The following CTNNA2 variants were observed in gnomAD, a reference collection of about 807,000 sequenced individuals.
CTNNA2 encodes catenin alpha-2.
A neutral mutation model predicts 101.0 loss-of-function variants in CTNNA2; 42 were observed. The ratio of observed to expected loss-of-function variants is 0.42; its 90% CI spans 0.32 to 0.54. CTNNA2 has a LOEUF of 0.54. Ranked by LOEUF, CTNNA2 falls within the 20% of genes least tolerant of loss-of-function variation. CTNNA2 has a pLI of 0.14. For missense variants in CTNNA2, 871 were observed against 1,223.1 expected, an observed-to-expected ratio of 0.71 and a Z score of 4.29; for synonymous variants, 450 against 456.4, an observed-to-expected ratio of 0.99 and a Z score of 0.18.
At chr2:79,669,070 G>A (rs936355779) in intron 2 of CTNNA2, among the ~76,000 whole-genome samples, 5 of 152,122 alleles carry the variant, frequency 3.3e-5, no homozygotes, top group African/African-American at 1.2e-4. Flanking sequence ...AAGATCTACT[G>A]ACAAATACTG....
intron 4 of CTNNA2, among the ~76,000 whole-genome samples, chr2:79,410,101 TTGTC>T (rs1157168057): frequency 6.7e-6 from 1 of 148,690 alleles, no homozygotes; most frequent in Non-Finnish European, 1.5e-5. Context: ...GGCCCTCTGT[TTGTC>T]TGTTATTGGT....
chr2:80,232,341 GT>G lies in CTNNA2; in HGVS notation c.1057-160867del, dbSNP rs1286822049. 2.5e-3 allele frequency among the ~76,000 whole-genome samples: 205 copies of G among 82,020 alleles called. 1 individual carries two copies. The highest frequency in any genetic ancestry group is 6.4e-3 in the African/African-American group (195 of 30,358). The allele number at this position is 82,020 out of a possible 152,430, so 53.8% of individuals were successfully genotyped here. ...TTGGGTTTTGTTTGTTTGTTTGTTT[GT>G]TTGTTTTTTTTTTTTTTTTTTTTTT... On this transcript the variant is annotated intron_variant, in intron 7 of 18. Coordinates refer to ENST00000402739, the MANE Select transcript of CTNNA2 (RefSeq NM_001282597.3).
intron 2 of CTNNA2, among the ~76,000 whole-genome samples, chr2:79,668,975 C>G (rs1319806000): frequency 6.6e-6 from 1 of 152,186 alleles, no homozygotes. Context: ...GCAAGTCTCA[C>G]CTTCAACCAC....
At chr2:80,472,214 G>T (rs189320298) in intron 9 of CTNNA2, among the ~76,000 whole-genome samples, 1 of 152,290 alleles carries the variant, frequency 6.6e-6, no homozygotes, top group Admixed American at 6.5e-5. Flanking sequence ...GAAGGCAAGA[G>T]AGTTACTATG....
At chr2:79,468,887 G>C (rs1182446363) in intron 4 of CTNNA2, among the ~76,000 whole-genome samples, 1 of 152,174 alleles carries the variant, frequency 6.6e-6, no homozygotes, top group East Asian at 1.9e-4. Flanking sequence ...GCAGTGTGTA[G>C]AGGGAAATTT....
chr2:80,542,625 G>A (rs1349579728), intron 9 of CTNNA2, among the ~76,000 whole-genome samples: 3 of 151,714 alleles, frequency 2.0e-5, no homozygotes, highest in Non-Finnish European at 4.4e-5. Flanking sequence ...GATTCTTGGG[G>A]CATTTTTAAG....
Position 80,648,267 on chromosome 2 carries a change from T to C in CTNNA2, c.*395T>C, listed in dbSNP as rs949892249. The C allele has an allele frequency of 6.4e-6, 1 of 157,110 alleles. No homozygotes were observed. The highest frequency in any genetic ancestry group is 2.4e-5 in the African/African-American group (1 of 41,516). The allele number at this position is 157,110 out of a possible 1,614,324, so 9.7% of individuals were successfully genotyped here. On this transcript the variant is annotated 3_prime_UTR_variant, in exon 19 of 19. Transcript: ENST00000402739. ...ATAAGTGAAAAATCTGGAAGTGTAA[T>C]GGTAGAACATAAAACTTGTATTGCT... is the stretch of plus-strand genomic sequence containing the variant.
At chr2:79,764,703 A>G (rs566783077) in intron 3 of CTNNA2, among the ~76,000 whole-genome samples, 75 of 152,324 alleles carry the variant, frequency 4.9e-4, no homozygotes, top group African/African-American at 1.7e-3. Context: ...AAGGAAAAAT[A>G]AGTGAGTGGC....
intron 2 of CTNNA2, among the ~76,000 whole-genome samples, chr2:79,268,940 G>A (rs554888754): frequency 6.6e-6 from 1 of 152,156 alleles, no homozygotes; most frequent in South Asian, 2.1e-4. Flanking sequence ...GGAAATAAGT[G>A]TTTGACACAA....
chr2:79,320,604 C>A (rs1473357), intron 3 of CTNNA2, among the ~76,000 whole-genome samples: 2 of 152,060 alleles, frequency 1.3e-5, no homozygotes, highest in African/African-American at 4.8e-5. Flanking sequence ...CTCTTGCACT[C>A]AAAGTAGGAG....
Position 80,647,665 on chromosome 2 carries a change from G to A in CTNNA2, c.2655G>A (p.Val885=), listed in dbSNP as rs758165128. ...TCCTCACGGTGAAAGCATCCTATGT[G>A]GCCTCAACCAAATACCAGAAGGTCT... ...AVVLTVKASY[V]ASTKYQKVYG... is the part of the protein sequence containing the mutation. The change falls in exon 19 of 19, where the codon GTG becomes GTA. Residue 885 remains valine, a synonymous_variant. Coordinates refer to ENST00000402739, the MANE Select transcript of CTNNA2 (RefSeq NM_001282597.3). The A allele has an allele frequency of 3.1e-6, 5 of 1,613,202 alleles. No individual in the cohort carries two copies. Among genetic ancestry groups the A allele is most frequent in the South Asian group, 2.2e-5 (2 of 91,072 alleles).
rs1553413397 is a variant in CTNNA2, at chr2:79,956,843, G to GTTTTTTGT, written c.1056+47052_1056+47053insGTTTTTTT. ...TTTCATTTACTATGAATACGTGTGG[G>GTTTTTTGT]TTTTTTTTTTTTTTTTTTTTTTTTT... is the stretch of plus-strand genomic sequence containing the variant. On this transcript the variant is annotated intron_variant, in intron 7 of 18. Coordinates refer to ENST00000402739, the MANE Select transcript of CTNNA2 (RefSeq NM_001282597.3). Among the ~76,000 whole-genome samples, 582 of 98,962 alleles carry GTTTTTTGT rather than the reference G, an allele frequency of 5.9e-3. 20 individuals are homozygous for GTTTTTTGT. The highest frequency in any genetic ancestry group is 0.026 in the African/African-American group (554 of 21,406). The allele number at this position is 98,962 out of a possible 152,430, so 64.9% of individuals were successfully genotyped here. A position where few individuals can be genotyped will look rare whatever the true frequency, so the allele number is the denominator to read the frequency against.
intron 7 of CTNNA2, among the ~76,000 whole-genome samples, chr2:80,374,241 T>C (rs1675714755): frequency 6.6e-6 from 1 of 152,124 alleles, no homozygotes; most frequent in Non-Finnish European, 1.5e-5. Context: ...ACCCTGGTAG[T>C]TCCTAGTATC....
chr2:80,181,725 T>C (rs948616254), intron 7 of CTNNA2, among the ~76,000 whole-genome samples: 4 of 152,232 alleles, frequency 2.6e-5, no homozygotes, highest in African/African-American at 4.8e-5. Flanking sequence ...TCTCCACGTA[T>C]GGTCAAAGGT....
At chr2:79,501,371 T>A (rs1458619563) in intron 4 of CTNNA2, among the ~76,000 whole-genome samples, 1 of 152,210 alleles carries the variant, frequency 6.6e-6, no homozygotes, top group East Asian at 1.9e-4. Context: ...CTTAAACTTC[T>A]GGCCCACCTC....
intron 7 of CTNNA2, among the ~76,000 whole-genome samples, chr2:80,139,868 C>G (rs148582170): frequency 1.7e-3 from 258 of 152,220 alleles, no homozygotes; most frequent in African/African-American, 6.1e-3. Context: ...CTTGGGTGTT[C>G]TGCAAACAAA....
chr2:79,952,250 C>T (rs1688935954), intron 7 of CTNNA2, among the ~76,000 whole-genome samples: 1 of 152,058 alleles, frequency 6.6e-6, no homozygotes, highest in Non-Finnish European at 1.5e-5. Flanking sequence ...GTCCTGTTAC[C>T]TACTACCCAC....
chr2:79,584,319 G>C (rs549312902), intron 1 of CTNNA2, among the ~76,000 whole-genome samples: 109 of 152,154 alleles, frequency 7.2e-4, no homozygotes, highest in Non-Finnish European at 5.1e-4. Flanking sequence ...CTGGAGGATG[G>C]TTTCCTAGAA....
At chr2:80,216,925 C>T (rs2149046777) in intron 7 of CTNNA2, among the ~76,000 whole-genome samples, 1 of 150,970 alleles carries the variant, frequency 6.6e-6, no homozygotes, top group African/African-American at 2.4e-5. Context: ...GCATCTTGTG[C>T]CTCCCAGATT....
Sources: allele counts gnomAD v4.1 joint callset (sites outside exome capture counted in the v4.1 genomes callset), GRCh38; gene constraint gnomAD v4.1.1; transcripts MANE v1.5; gene names NCBI Gene and HGNC (gene_info 2026-07-23, HGNC 2026-07-21).